EFR3B: variants seen among roughly 807,000 people sequenced by gnomAD.
The protein encoded by EFR3B is protein EFR3 homolog B.
A neutral mutation model predicts 104.7 loss-of-function variants in EFR3B; 64 were observed. The ratio of observed to expected loss-of-function variants is 0.61; its 90% confidence interval spans 0.50 to 0.75. The LOEUF is 0.75. EFR3B is among the 30% of genes least tolerant of loss of function. EFR3B has a pLI of 0.00. For synonymous variants in EFR3B, 385 were observed against 417.9 expected (o/e 0.92, Z 0.96); for missense variants, 750 against 1,078.5 (o/e 0.70, Z 4.27).
intron 1 of EFR3B, among the ~76,000 whole-genome samples, chr2:25,077,906 G>A (rs979070748): frequency 2.0e-5 from 3 of 152,186 alleles, no homozygotes; most frequent in African/African-American, 7.2e-5. Flanking sequence ...CCCCATTGGA[G>A]GGTTGTTGAT....
At chr2:25,140,355 CAAG>C (rs1319673992) in intron 16 of EFR3B, among the ~76,000 whole-genome samples, 2 of 152,052 alleles carry the variant, frequency 1.3e-5, no homozygotes, top group African/African-American at 4.8e-5. Flanking sequence ...TAAAACAAAA[CAAG>C]AAAATTTAGG....
intron 1 of EFR3B, among the ~76,000 whole-genome samples, chr2:25,085,350 C>T (rs796511896): frequency 5.3e-5 from 8 of 152,296 alleles, no homozygotes; most frequent in African/African-American, 1.4e-4. Context: ...AAAATTAGGG[C>T]TGTTTCCAAT....
At chr2:25,055,593 A>G (rs1205916636) in intron 1 of EFR3B, among the ~76,000 whole-genome samples, 1 of 152,344 alleles carries the variant, frequency 6.6e-6, no homozygotes. Context: ...ATTCATAAAG[A>G]CTTCTTTCCA....
chr2:25,149,837 C>A, intron 20 of EFR3B, 95 bp downstream of exon 20: 1 of 1,113,266 alleles, frequency 9.0e-7, no homozygotes, highest in Non-Finnish European at 1.3e-6. Context: ...CCACCCTCCG[C>A]AGTGGGATCC....
intron 4 of EFR3B, among the ~76,000 whole-genome samples, chr2:25,108,934 A>C (rs1036149852): frequency 4.6e-5 from 7 of 152,102 alleles, no homozygotes; most frequent in Non-Finnish European, 7.4e-5. Context: ...TGAACCCAGG[A>C]GGCGAAGGTT....
At chr2:25,063,974 G>C (rs907323134) in intron 1 of EFR3B, among the ~76,000 whole-genome samples, 1 of 152,250 alleles carries the variant, frequency 6.6e-6, no homozygotes, top group Non-Finnish European at 1.5e-5. Context: ...ATGCGCGGTA[G>C]AGCTGCTGCA....
At position 25,131,303 on chromosome 2, in the gene EFR3B, A is replaced by T; in HGVS notation, c.850-65A>T. The stretch of plus-strand genomic sequence containing the variant: ...TACCCCCGCCTTTGGGTGCCAGGAG[A>T]GGGCTGCGCAGCCCAGGGACCCCGT... On this transcript the variant is annotated intron_variant, in intron 8 of 22. Transcript: ENST00000403714. The surrounding 1 kb of genome is among the most constrained non-coding windows in gnomAD (Gnocchi z 7.6). 6.6e-7 allele frequency: 1 copy of T among 1,521,086 alleles called. No individual in the cohort carries two copies. The highest frequency in any genetic ancestry group is 8.9e-7 in the Non-Finnish European group (1 of 1,128,806). The allele number at this position is 1,521,086 out of a possible 1,614,324, so 94.2% of individuals were successfully genotyped here.
At chr2:25,059,575 G>A (rs1348970310) in intron 1 of EFR3B, among the ~76,000 whole-genome samples, 2 of 88,462 alleles carry the variant, frequency 2.3e-5, no homozygotes, top group East Asian at 3.7e-4. Context: ...GGGACTGCGG[G>A]GGGGGGGGGG....
chr2:25,053,049 C>T (rs1667924350), intron 1 of EFR3B, among the ~76,000 whole-genome samples: 1 of 152,208 alleles, frequency 6.6e-6, no homozygotes, highest in South Asian at 2.1e-4. Flanking sequence ...TCCTATCACA[C>T]TGTCCCTAGA....
rs1245696008 is a variant in EFR3B, at chr2:25,131,949, A to G, written c.1147+38A>G. 2.5e-5 allele frequency: 6 copies of G among 240,986 alleles called. No homozygotes were observed. The East Asian group carries it at 7.1e-4, about 28-fold the overall frequency. The allele number at this position is 240,986 out of a possible 1,614,324, so 14.9% of individuals were successfully genotyped here. A position where few individuals can be genotyped will look rare whatever the true frequency, so the allele number is the denominator to read the frequency against. On this transcript the variant is annotated intron_variant, in intron 10 of 22. Transcript: ENST00000403714. This position sits in a 1 kb window ranked among gnomAD's most constrained non-coding sequence, Gnocchi z 7.6. ...GCCGGGCCGGGGCGGGGCGGGGCCG[A>G]GGCGCGGAGTGGGGAGGGGAGGGGA...
rs755163706 is a variant in EFR3B at position 25,139,033 on chromosome 2, C to T, written c.1723-26C>T. Reference sequence around the variant, plus strand: ...AGTGTAGTCTGTCAGTGAAAAACTCCGGAGGCCTTGTCTATGTTGCCGCAG... The same window carrying T: ...AGTGTAGTCTGTCAGTGAAAAACTCTGGAGGCCTTGTCTATGTTGCCGCAG... On this transcript the variant is annotated intron_variant, in intron 15 of 22. Coordinates refer to ENST00000403714, the MANE Select transcript of EFR3B (RefSeq NM_014971.2). 1.6e-4 allele frequency: 245 copies of T among 1,551,232 alleles called. 1 individual carries two copies. The highest frequency in any genetic ancestry group is 1.9e-4 in the Non-Finnish European group (213 of 1,146,866).
chr2:25,080,015 T>G, intron 1 of EFR3B: 1 of 940,166 alleles, frequency 1.1e-6, no homozygotes, highest in Non-Finnish European at 1.8e-6. Flanking sequence ...AAGCAAGAAT[T>G]TTAAGCCCAC....
intron 1 of EFR3B, among the ~76,000 whole-genome samples, chr2:25,073,649 A>G (rs1668555311): frequency 6.6e-6 from 1 of 152,064 alleles, no homozygotes; most frequent in Admixed American, 6.6e-5. Context: ...CGCCCAGCCC[A>G]CTATGTAATG....
Position 25,156,931 on chromosome 2 carries a change from G to C in EFR3B, c.*2591G>C, listed in dbSNP as rs1671184997. ...GTTTCTTGTGCCTACTTAACATTAG[G>C]GTTCCCCGTGGCAGCTTCATCCTGA... On this transcript the variant is annotated 3_prime_UTR_variant, in exon 23 of 23. Coordinates refer to ENST00000403714, the MANE Select transcript of EFR3B (RefSeq NM_014971.2). 2 of 152,116 alleles carry C rather than the reference G, an allele frequency of 1.3e-5. No individual in the cohort carries two copies. The highest frequency in any genetic ancestry group is 1.3e-4 in the Admixed American group (2 of 15,274). 9.4% of individuals were successfully genotyped at this position (152,116 alleles called of 1,614,324 possible).
intron 10 of EFR3B, among the ~76,000 whole-genome samples, chr2:25,132,549 G>A (rs1267840690): frequency 1.3e-5 from 2 of 152,048 alleles, no homozygotes; most frequent in South Asian, 4.2e-4. Context: ...TTACCCTAGG[G>A]CAGCCAGTGA....
chr2:25,139,840 C>T (rs1370043859), intron 16 of EFR3B, among the ~76,000 whole-genome samples: 1 of 152,168 alleles, frequency 6.6e-6, no homozygotes, highest in East Asian at 1.9e-4. Context: ...ACAGCATGAA[C>T]ACCTCCCTAC....
At position 25,155,395 on chromosome 2, in the gene EFR3B, A is replaced by ACTCT. The variant is rs1321756909; in HGVS notation, c.*1058_*1061dup. On this transcript the variant is annotated 3_prime_UTR_variant, in exon 23 of 23. Coordinates refer to ENST00000403714, the MANE Select transcript of EFR3B (RefSeq NM_014971.2). ...CACCTAATATTGGAATGATTTCTTC[A>ACTCT]CTCTCTGGACAAAGTCTGGGACATC... is the stretch of plus-strand genomic sequence containing the variant. 4 of 152,044 alleles carry ACTCT rather than the reference A, an allele frequency of 2.6e-5. No homozygotes were observed. Among genetic ancestry groups the ACTCT allele is most frequent in the African/African-American group, 9.7e-5 (4 of 41,398 alleles). The allele number at this position is 152,044 out of a possible 1,614,324, so 9.4% of individuals were successfully genotyped here. A position where few individuals can be genotyped will look rare whatever the true frequency, so the allele number is the denominator to read the frequency against.
intron 1 of EFR3B, among the ~76,000 whole-genome samples, chr2:25,075,992 A>G (rs1558591694): frequency 6.6e-6 from 1 of 152,110 alleles, no homozygotes; most frequent in Admixed American, 6.6e-5. Context: ...TCCCAGTCTC[A>G]AGCGATCCTC....
chr2:25,132,548 G>C (rs1670375769), intron 10 of EFR3B, among the ~76,000 whole-genome samples: 1 of 152,010 alleles, frequency 6.6e-6, no homozygotes, highest in Non-Finnish European at 1.5e-5. Flanking sequence ...TTTACCCTAG[G>C]GCAGCCAGTG....
Sources: gnomAD v4.1 joint callset for allele counts (sites outside exome capture counted in the v4.1 genomes callset) on GRCh38, gnomAD v4.1.1 for gene constraint, Gnocchi (gnomAD v3.1) non-coding constraint, MANE v1.5 for transcripts, NCBI Gene and HGNC (gene_info 2026-07-23, HGNC 2026-07-21) for gene names.